Variants in SHROOM3 observed in about 807,000 individuals in gnomAD.
The protein encoded by SHROOM3 is shroom family member 3.
A neutral mutation model predicts 138.6 loss-of-function variants in SHROOM3; 47 were observed. The observed-to-expected ratio is 0.34, with a 90% CI of 0.27 to 0.43. The LOEUF (loss-of-function observed/expected upper bound fraction) is 0.43, where lower values mean the gene tolerates loss of function less well. SHROOM3 is among the 20% of genes least tolerant of loss of function. The pLI is 1.00. For missense variants in SHROOM3, 2,491 were observed against 2,596.5 expected, an observed-to-expected ratio of 0.96 and a Z score of 0.88; for synonymous variants, 1,062 against 1,063.3, an observed-to-expected ratio of 1.00 and a Z score of 0.02.
At chr4:76,500,605 T>C (rs955506895) in intron 1 of SHROOM3, among the ~76,000 whole-genome samples, 1 of 152,166 alleles carries the variant, frequency 6.6e-6, no homozygotes, top group Admixed American at 6.5e-5. Flanking sequence ...CTTCCCCCTT[T>C]TGCCAACTCT....
At chr4:76,461,417 A>G (rs918881065) in intron 1 of SHROOM3, among the ~76,000 whole-genome samples, 4 of 152,222 alleles carry the variant, frequency 2.6e-5, no homozygotes, top group African/African-American at 9.6e-5. Context: ...GGCTTAGTCC[A>G]TAAAGAGTTT....
intron 2 of SHROOM3, among the ~76,000 whole-genome samples, chr4:76,630,945 G>A (rs1223735217): frequency 1.3e-5 from 2 of 152,176 alleles, no homozygotes; most frequent in Non-Finnish European, 2.9e-5. Flanking sequence ...TCCACTTAGA[G>A]AGAATTAACT....
chr4:76,522,551 T>C lies in SHROOM3; in HGVS notation c.169-33058T>C, dbSNP rs149677970. Among the ~76,000 whole-genome samples the C allele has an allele frequency of 3.1e-3, 479 of 152,212 alleles. 7 individuals carry two copies. The highest frequency in any genetic ancestry group is 0.011 in the African/African-American group (457 of 41,546). On this transcript the variant is annotated intron_variant, in intron 1 of 10. Transcript: ENST00000296043. ...GCTCACACCTGTAGTCCCAGCACTT[T>C]GGGAGCCTGAGGCAGGCCATTCACC... is the stretch of plus-strand genomic sequence containing the variant.
chr4:76,439,796 G>A (rs2109962870), intron 1 of SHROOM3, among the ~76,000 whole-genome samples: 1 of 152,304 alleles, frequency 6.6e-6, no homozygotes, highest in South Asian at 2.1e-4. Context: ...AGATATAAAT[G>A]AGGCAGGAGA....
At chr4:76,683,582 C>T (rs1269552920) in intron 2 of SHROOM3, among the ~76,000 whole-genome samples, 1 of 151,578 alleles carries the variant, frequency 6.6e-6, no homozygotes, top group Non-Finnish European at 1.5e-5. Context: ...CTCCGTTAGC[C>T]TTGGAGGACC....
At chr4:76,544,733 T>G (rs1369906955) in intron 1 of SHROOM3, among the ~76,000 whole-genome samples, 1 of 152,196 alleles carries the variant, frequency 6.6e-6, no homozygotes, top group Non-Finnish European at 1.5e-5. Flanking sequence ...TTGAGAGATA[T>G]TCTAGTTAAC....
At chr4:76,775,773 C>T (rs546168250) in intron 10 of SHROOM3, among the ~76,000 whole-genome samples, 2 of 151,062 alleles carry the variant, frequency 1.3e-5, no homozygotes, top group African/African-American at 4.9e-5. Flanking sequence ...TATATGTGTA[C>T]ATACACATAT....
At chr4:76,595,319 G>C (rs972850959) in intron 2 of SHROOM3, among the ~76,000 whole-genome samples, 4 of 152,150 alleles carry the variant, frequency 2.6e-5, no homozygotes, top group Admixed American at 1.3e-4. Context: ...CCATTGCTCT[G>C]TCTGCAGACT....
intron 2 of SHROOM3, among the ~76,000 whole-genome samples, chr4:76,617,091 G>A (rs1228788471): frequency 6.6e-6 from 1 of 152,228 alleles, no homozygotes; most frequent in African/African-American, 2.4e-5. Context: ...AATGGTGCGG[G>A]TGAAGAGCCT....
chr4:76,660,942 G>A (rs931787064), intron 2 of SHROOM3, among the ~76,000 whole-genome samples: 4 of 151,830 alleles, frequency 2.6e-5, no homozygotes, highest in South Asian at 2.1e-4. Flanking sequence ...TGGGACTACC[G>A]GCATGTACCA....
intron 2 of SHROOM3, among the ~76,000 whole-genome samples, chr4:76,700,805 G>C (rs1719884268): frequency 6.6e-6 from 1 of 151,340 alleles, no homozygotes; most frequent in African/African-American, 2.4e-5. Context: ...TTTTGAGACA[G>C]AGTCTCACTC....
intron 2 of SHROOM3, among the ~76,000 whole-genome samples, chr4:76,570,878 A>G (rs1479427842): frequency 6.6e-6 from 1 of 152,194 alleles, no homozygotes; most frequent in African/African-American, 2.4e-5. Context: ...ACATTCTAAA[A>G]TTAAGAAATG....
intron 1 of SHROOM3, among the ~76,000 whole-genome samples, chr4:76,449,099 G>A (rs1227901846): frequency 1.3e-5 from 2 of 152,110 alleles, no homozygotes; most frequent in African/African-American, 4.8e-5. Context: ...AAGCATCTCT[G>A]AATGAAATCA....
intron 1 of SHROOM3, among the ~76,000 whole-genome samples, chr4:76,454,995 C>T (rs531590624): frequency 9.2e-5 from 14 of 151,834 alleles, no homozygotes; most frequent in Non-Finnish European, 1.8e-4. Context: ...GTGTTGATTT[C>T]GCATCTTGCA....
rs200485098 is a variant in SHROOM3, at chr4:76,651,135, G to T, written c.324-59021G>T. On this transcript the variant is annotated intron_variant, in intron 2 of 10. Transcript: ENST00000296043. ...AAGGATGTTACCATAGGCTGGGAAG[G>T]GTAGTGGTGGGCTGGGTGGGGAGGT... Among the ~76,000 whole-genome samples, 15 of 152,094 alleles carry T rather than the reference G, an allele frequency of 9.9e-5. No homozygotes were observed. In the East Asian group the frequency reaches 2.3e-3, roughly 24 times the overall value.
intron 1 of SHROOM3, among the ~76,000 whole-genome samples, chr4:76,439,858 T>C (rs559378968): frequency 7.2e-5 from 11 of 152,240 alleles, no homozygotes; most frequent in Non-Finnish European, 1.0e-4. Flanking sequence ...AAATCATTTT[T>C]GAATTGCTTT....
chr4:76,608,580 C>CATTGGACAGAGATGGT (rs1560563149), intron 2 of SHROOM3, among the ~76,000 whole-genome samples: 180 of 148,436 alleles, frequency 1.2e-3, no homozygotes, highest in African/African-American at 4.2e-3. Flanking sequence ...CATAGCATAG[C>CATTGGACAGAGATGGT]ATAGCATAGC....
chr4:76,641,542 G>A (rs1216658523), intron 2 of SHROOM3, among the ~76,000 whole-genome samples: 1 of 152,206 alleles, frequency 6.6e-6, no homozygotes, highest in Non-Finnish European at 1.5e-5. Context: ...GCCGATGCAC[G>A]GAAGTAACAT....
At chr4:76,670,411 G>T (rs1308589419) in intron 2 of SHROOM3, among the ~76,000 whole-genome samples, 2 of 152,122 alleles carry the variant, frequency 1.3e-5, no homozygotes, top group Admixed American at 6.5e-5. Flanking sequence ...ACAAAAAGGA[G>T]ATCAGTGATG....
Sources: allele counts gnomAD v4.1 joint callset (sites outside exome capture counted in the v4.1 genomes callset), GRCh38; gene constraint gnomAD v4.1.1; transcripts MANE v1.5; gene names NCBI Gene and HGNC (gene_info 2026-07-23, HGNC 2026-07-21).